SV2C: variants seen among roughly 807,000 people sequenced by gnomAD.
The protein encoded by SV2C is solute carrier family 22 member B3.
In SV2C, 49 loss-of-function variants were observed where a neutral mutation model predicts 79.7. The ratio of observed to expected loss-of-function variants is 0.61; its 90% CI spans 0.49 to 0.78. The LOEUF is 0.78. SV2C is among the 30% of genes least tolerant of loss of function. The pLI, the probability that SV2C is intolerant of heterozygous loss-of-function variation, is 0.00. For synonymous variants in SV2C, 334 were observed against 333.2 expected (o/e 1.00, Z -0.03); for missense variants, 833 against 912.9 (o/e 0.91, Z 1.13).
At chr5:76,064,940 C>G in the SV2C span, among the ~76,000 whole-genome samples, 1 of 152,052 alleles carries the variant, frequency 6.6e-6, no homozygotes, top group Non-Finnish European at 1.5e-5. Context: ...TCCTTTTTCT[C>G]GTAAGTATTA....
At chr5:75,924,294 A>T in the SV2C span, among the ~76,000 whole-genome samples, 1 of 152,142 alleles carries the variant, frequency 6.6e-6, no homozygotes, top group Non-Finnish European at 1.5e-5. Context: ...AATATTACAT[A>T]TCAGGTGCAG....
chr5:76,073,544 T>TATATATAC, the SV2C span, among the ~76,000 whole-genome samples: 59 of 121,052 alleles, frequency 4.9e-4, no homozygotes, highest in Non-Finnish European at 7.7e-4. Context: ...TATATATATA[T>TATATATAC]ACACCATGGA....
chr5:75,927,298 G>C, the SV2C span, among the ~76,000 whole-genome samples: 1 of 151,946 alleles, frequency 6.6e-6, no homozygotes, highest in African/African-American at 2.4e-5. Flanking sequence ...ACATACAATG[G>C]AATATTATTC....
intron 12 of SV2C, among the ~76,000 whole-genome samples, chr5:76,341,847 G>T (rs1749447938): frequency 6.6e-6 from 1 of 152,078 alleles, no homozygotes; most frequent in Non-Finnish European, 1.5e-5. Context: ...TCCCCTTGGG[G>T]TGCCGAAATG....
rs200154327 is a variant in SV2C at position 76,291,320 on chromosome 5, G to A, written c.1237G>A (p.Glu413Lys). Residue 413 changes from glutamate (E) to lysine (K), a missense_variant, in exon 7 of 13, where the codon GAG becomes AAG. Coordinates refer to ENST00000502798, the MANE Select transcript of SV2C (RefSeq NM_014979.4). ...YRRCFVRIRT[E>K]LYGIWLTFMR... ...GAGGTGTTTTGTTCGGATCCGCACCGAGCTGTACGGAGTAAGTAACAAGTC... is the reference window on the plus strand; with the variant it reads ...GAGGTGTTTTGTTCGGATCCGCACCAAGCTGTACGGAGTAAGTAACAAGTC... The A allele has an allele frequency of 2.8e-5, 45 of 1,605,132 alleles. 1 individual carries two copies. The African/African-American group carries it at 3.6e-4, about 13-fold the overall frequency.
chr5:76,108,682 T>C (rs1439591374), intron 1 of SV2C, among the ~76,000 whole-genome samples: 5 of 152,244 alleles, frequency 3.3e-5, no homozygotes, highest in Non-Finnish European at 7.3e-5. Flanking sequence ...TTTTAGGATA[T>C]AAAAGATCAT....
intron 1 of SV2C, 136 bp from the exon 2 acceptor site, chr5:76,131,514 C>CAA (rs35999597): frequency 1.6e-3 from 253 of 156,940 alleles, no homozygotes; most frequent in East Asian, 2.1e-3. Context: ...ACAGTGAGAT[C>CAA]AAAAAAAAAA....
At chr5:75,878,782 T>C in the SV2C span, among the ~76,000 whole-genome samples, 7,873 of 152,248 alleles carry the variant, frequency 0.052, 567 homozygotes, top group African/African-American at 0.16. Flanking sequence ...CGATCCTCAC[T>C]TGAATTTACC....
chr5:76,269,743 C>T (rs1405842620), intron 4 of SV2C, among the ~76,000 whole-genome samples: 2 of 152,128 alleles, frequency 1.3e-5, no homozygotes, highest in East Asian at 1.9e-4. Context: ...CATCAATCTG[C>T]CTATGCTCGA....
downstream of SV2C, among the ~76,000 whole-genome samples, chr5:76,336,897 A>T (rs1749341109): frequency 6.6e-6 from 1 of 152,202 alleles, no homozygotes; most frequent in Non-Finnish European, 1.5e-5. Flanking sequence ...TGGGGTGCAG[A>T]TAACTTTAGC....
intron 2 of SV2C, among the ~76,000 whole-genome samples, chr5:76,160,531 G>T (rs996594694): frequency 2.0e-5 from 3 of 152,170 alleles, no homozygotes; most frequent in Admixed American, 6.5e-5. Flanking sequence ...AGTGAGTAAA[G>T]TATAAATAAA....
chr5:75,959,211 T>G, the SV2C span, among the ~76,000 whole-genome samples: 1 of 151,914 alleles, frequency 6.6e-6, no homozygotes, highest in South Asian at 2.1e-4. Flanking sequence ...GAACAAGCAT[T>G]TAAGGACCTC....
the SV2C span, among the ~76,000 whole-genome samples, chr5:76,031,541 G>A: frequency 6.6e-6 from 1 of 152,176 alleles, no homozygotes; most frequent in East Asian, 1.9e-4. Context: ...TGGCTTGTAG[G>A]TTCAGTAACT....
chr5:76,185,213 G>T (rs1205161926), intron 2 of SV2C, among the ~76,000 whole-genome samples: 1 of 152,246 alleles, frequency 6.6e-6, no homozygotes, highest in Non-Finnish European at 1.5e-5. Context: ...GGGCAGCTCT[G>T]CCCCTGTGGC....
chr5:76,039,805 A>C, the SV2C span, among the ~76,000 whole-genome samples: 1 of 152,090 alleles, frequency 6.6e-6, no homozygotes, highest in African/African-American at 2.4e-5. Context: ...TGAGTCTTCT[A>C]AAGAGTGGTA....
At chr5:75,928,682 C>G in the SV2C span, among the ~76,000 whole-genome samples, 1 of 152,130 alleles carries the variant, frequency 6.6e-6, no homozygotes, top group African/African-American at 2.4e-5. Context: ...ACCCTCAAAA[C>G]TTCGTGATGG....
the SV2C span, among the ~76,000 whole-genome samples, chr5:75,971,648 A>G: frequency 6.6e-6 from 1 of 152,164 alleles, no homozygotes; most frequent in Non-Finnish European, 1.5e-5. Flanking sequence ...AAGGAGAACT[A>G]CAAACCACTG....
At chr5:76,049,340 A>G in the SV2C span, among the ~76,000 whole-genome samples, 41 of 141,136 alleles carry the variant, frequency 2.9e-4, no homozygotes, top group African/African-American at 6.3e-4. Context: ...AAAAAAAAAG[A>G]AAAAAAAAAT....
chr5:75,998,934 A>G, the SV2C span, among the ~76,000 whole-genome samples: 10 of 152,154 alleles, frequency 6.6e-5, no homozygotes, highest in Non-Finnish European at 1.3e-4. Flanking sequence ...GACATACCCA[A>G]GACTGATCAA....
Sources: allele counts gnomAD v4.1 joint callset (sites outside exome capture counted in the v4.1 genomes callset), GRCh38; gene constraint gnomAD v4.1.1; transcripts MANE v1.5; gene names NCBI Gene and HGNC (gene_info 2026-07-23, HGNC 2026-07-21).